DISC1: variants seen among roughly 807,000 people sequenced by gnomAD.
DISC1 encodes the protein disrupted in schizophrenia 1 protein.
In DISC1, 57 loss-of-function variants were observed where a neutral mutation model predicts 84.5. The ratio of observed to expected loss-of-function variants is 0.67; its 90% confidence interval spans 0.55 to 0.84. DISC1 has a LOEUF of 0.84. Ranked by LOEUF, DISC1 falls within the 40% of genes least tolerant of loss-of-function variation. DISC1 has a pLI of 0.00. For synonymous variants in DISC1, 411 were observed against 415.2 expected (o/e 0.99, Z 0.12); for missense variants, 1,000 against 1,057.8 (o/e 0.95, Z 0.76).
At chr1:231,833,364 A>G (rs12405759) in intron 9 of DISC1, among the ~76,000 whole-genome samples, 47,429 of 150,958 alleles carry the variant, frequency 0.31, 7,865 homozygotes, top group East Asian at 0.39. Flanking sequence ...GGTAGCCTCC[A>G]TATTGATTAA....
intron 3 of DISC1, among the ~76,000 whole-genome samples, chr1:231,708,119 A>G (rs768600111): frequency 3.3e-5 from 5 of 152,204 alleles, no homozygotes; most frequent in Non-Finnish European, 7.3e-5. Flanking sequence ...TTAAGTGTCA[A>G]CTTGATTGGA....
At chr1:231,910,414 G>A (rs1420224874) in intron 9 of DISC1, among the ~76,000 whole-genome samples, 1 of 152,132 alleles carries the variant, frequency 6.6e-6, no homozygotes, top group African/African-American at 2.4e-5. Flanking sequence ...CTTTATTTCT[G>A]CCTTCATTTC....
chr1:231,983,613 T>G (rs1572481196), intron 10 of DISC1, among the ~76,000 whole-genome samples: 2 of 19,356 alleles, frequency 1.0e-4, no homozygotes, highest in Non-Finnish European at 2.0e-4. Context: ...GAGAGGGGGT[T>G]GGGGGGTTGG....
At chr1:231,682,280 A>G (rs2063772053) in intron 1 of DISC1, among the ~76,000 whole-genome samples, 1 of 152,212 alleles carries the variant, frequency 6.6e-6, no homozygotes, top group Non-Finnish European at 1.5e-5. Context: ...AAGGGAATTC[A>G]TGACAACTGA....
At chr1:231,780,755 C>A (rs1431025501) in intron 6 of DISC1, among the ~76,000 whole-genome samples, 1 of 87,016 alleles carries the variant, frequency 1.1e-5, no homozygotes, top group Non-Finnish European at 2.3e-5. Flanking sequence ...GACTTGGAAC[C>A]AACCCAGATG....
At chr1:231,906,680 C>T (rs1276821404) in intron 9 of DISC1, among the ~76,000 whole-genome samples, 1 of 152,124 alleles carries the variant, frequency 6.6e-6, no homozygotes, top group Non-Finnish European at 1.5e-5. Context: ...TTCTCTAAAG[C>T]CGTTCAGGTT....
At chr1:231,915,045 A>G (rs2089510529) in intron 9 of DISC1, among the ~76,000 whole-genome samples, 2 of 152,218 alleles carry the variant, frequency 1.3e-5, no homozygotes, top group Admixed American at 6.5e-5. Flanking sequence ...TTCTGCCTAA[A>G]GAGGAAATGT....
At chr1:231,934,048 G>A (rs765408687) in intron 9 of DISC1, among the ~76,000 whole-genome samples, 35 of 152,114 alleles carry the variant, frequency 2.3e-4, no homozygotes, top group African/African-American at 6.8e-4. Flanking sequence ...TTCAACCTTC[G>A]ACAAGGCTGA....
intron 10 of DISC1, among the ~76,000 whole-genome samples, chr1:231,987,628 A>C (rs1664633190): frequency 6.6e-6 from 1 of 152,228 alleles, no homozygotes; most frequent in South Asian, 2.1e-4. Flanking sequence ...ACAAACAAGA[A>C]GGACCCAGGT....
intron 1 of DISC1, among the ~76,000 whole-genome samples, chr1:231,677,236 T>A (rs1292474675): frequency 6.6e-6 from 1 of 152,204 alleles, no homozygotes; most frequent in Non-Finnish European, 1.5e-5. Flanking sequence ...TTACTGCATT[T>A]TACTGTCTTA....
intron 10 of DISC1, among the ~76,000 whole-genome samples, chr1:231,989,846 G>A (rs535376238): frequency 2.0e-5 from 3 of 152,286 alleles, no homozygotes; most frequent in South Asian, 2.1e-4. Flanking sequence ...TTATGGATGA[G>A]GAAACACATG....
chr1:231,937,147 C>T (rs2091030931), intron 9 of DISC1, among the ~76,000 whole-genome samples: 1 of 152,150 alleles, frequency 6.6e-6, no homozygotes, highest in Non-Finnish European at 1.5e-5. Context: ...AACCTGTATC[C>T]CCATTTTATT....
At chr1:231,956,151 C>T (rs1659460915) in intron 9 of DISC1, among the ~76,000 whole-genome samples, 1 of 152,194 alleles carries the variant, frequency 6.6e-6, no homozygotes, top group Non-Finnish European at 1.5e-5. Context: ...AACAAACAGC[C>T]ATGCTGAGCT....
chr1:231,877,392 A>G (rs533458306), intron 9 of DISC1, among the ~76,000 whole-genome samples: 2 of 152,386 alleles, frequency 1.3e-5, no homozygotes, highest in Admixed American at 6.5e-5. Context: ...TCAATGTACA[A>G]TGGGACTATA....
At chr1:232,019,154 ACTC>A (rs1353641141) in intron 11 of DISC1, among the ~76,000 whole-genome samples, 1 of 151,930 alleles carries the variant, frequency 6.6e-6, no homozygotes, top group Non-Finnish European at 1.5e-5. Flanking sequence ...ACAGGGAGGA[ACTC>A]CTCCTACCCA....
chr1:231,702,109 C>A, intron 3 of DISC1, 85 bp downstream of exon 3: 1 of 1,524,062 alleles, frequency 6.6e-7, no homozygotes, highest in Non-Finnish European at 8.8e-7. Context: ...TTTTGAATCC[C>A]AAAAGAATTG....
At chr1:231,912,014 C>G (rs2089247721) in intron 9 of DISC1, among the ~76,000 whole-genome samples, 1 of 152,174 alleles carries the variant, frequency 6.6e-6, no homozygotes, top group Non-Finnish European at 1.5e-5. Flanking sequence ...CCATGTTTTT[C>G]ATCTCCATAA....
intron 1 of DISC1, among the ~76,000 whole-genome samples, chr1:231,634,376 T>C (rs1335476922): frequency 2.6e-5 from 4 of 152,188 alleles, no homozygotes; most frequent in Non-Finnish European, 5.9e-5. Flanking sequence ...GGGGTTCTAA[T>C]ATTTCTGCTA....
At chr1:231,797,638 C>T (rs536488869) in intron 7 of DISC1, among the ~76,000 whole-genome samples, 1 of 152,252 alleles carries the variant, frequency 6.6e-6, no homozygotes, top group South Asian at 2.1e-4. Context: ...AAAGGCCCCA[C>T]CTCCTAATGC....
Sources: allele counts gnomAD v4.1 joint callset (sites outside exome capture counted in the v4.1 genomes callset), GRCh38; gene constraint gnomAD v4.1.1; transcripts MANE v1.5; gene names NCBI Gene and HGNC (gene_info 2026-07-23, HGNC 2026-07-21).